The following NWD2 variants were observed in gnomAD, a reference collection of about 807,000 sequenced individuals.
The protein encoded by NWD2 is NACHT and WD repeat domain containing 2.
Under a neutral mutation model 132.7 loss-of-function variants are expected in NWD2, and 37 were observed. The observed-to-expected ratio is 0.28, with a 90% CI of 0.21 to 0.37. The LOEUF (loss-of-function observed/expected upper bound fraction) is 0.37. NWD2 is among the 10% of genes least tolerant of loss of function. The pLI is 1.00. For synonymous variants in NWD2, 705 were observed against 803.0 expected (o/e 0.88, Z 2.06); for missense variants, 1,592 against 2,122.4 (o/e 0.75, Z 4.91).
Position 37,445,523 on chromosome 4 carries a change from C to A in NWD2, c.3535C>A (p.Leu1179Met). Residue 1179 changes from leucine (L) to methionine (M), a missense_variant, in exon 7 of 7, where the codon CTG (leucine) becomes ATG (methionine). Leu to Met is a conservative substitution (Grantham distance 15). Around this residue, in one of 7 missense-constraint regions of NWD2, gnomAD observed 1,071 missense variants for 1,398.0 expected, o/e 0.77. Coordinates refer to ENST00000309447, the MANE Select transcript of NWD2 (RefSeq NM_001144990.2). This position sits in a 1 kb window ranked among gnomAD's most constrained non-coding sequence, Gnocchi z 4.7. ...WNTEDISSPQ[L>M]TDDFDCRRED... ...TACTGAGGACATTTCCAGCCCCCAG[C>A]TGACTGATGACTTTGATTGCCGAAG... 3.2e-6 allele frequency: 5 copies of A among 1,551,960 alleles called. No individual in the cohort carries two copies. Among genetic ancestry groups the A allele is most frequent in the Non-Finnish European group, 4.4e-6 (5 of 1,147,062 alleles).
intron 1 of NWD2, among the ~76,000 whole-genome samples, chr4:37,264,072 C>T (rs1468497131): frequency 6.6e-6 from 1 of 152,162 alleles, no homozygotes; most frequent in East Asian, 1.9e-4. Flanking sequence ...TCAGATTGGA[C>T]TGACCAACCC....
intron 2 of NWD2, among the ~76,000 whole-genome samples, chr4:37,338,014 A>G (rs1719444566): frequency 1.3e-5 from 2 of 152,164 alleles, no homozygotes; most frequent in African/African-American, 4.8e-5. Flanking sequence ...TCCATTTTGA[A>G]AATCTCTGTC....
chr4:37,381,589 T>C (rs895306466), intron 3 of NWD2, among the ~76,000 whole-genome samples: 41 of 152,286 alleles, frequency 2.7e-4, no homozygotes, highest in African/African-American at 9.4e-4. Flanking sequence ...TATTTTATCC[T>C]CTGAAAGCTC....
At chr4:37,286,635 A>C (rs750266816) in intron 1 of NWD2, among the ~76,000 whole-genome samples, 8 of 152,166 alleles carry the variant, frequency 5.3e-5, no homozygotes, top group Non-Finnish European at 1.2e-4. Context: ...CCAGTAGCCA[A>C]CTTGTGTGCA....
intron 3 of NWD2, among the ~76,000 whole-genome samples, chr4:37,405,743 T>A (rs1364826638): frequency 6.6e-6 from 1 of 152,216 alleles, no homozygotes; most frequent in Non-Finnish European, 1.5e-5. Flanking sequence ...GGGACGCATT[T>A]TTATAATTTC....
chr4:37,419,966 T>C (rs1297843412), intron 3 of NWD2, among the ~76,000 whole-genome samples: 2 of 152,188 alleles, frequency 1.3e-5, no homozygotes, highest in Non-Finnish European at 2.9e-5. Flanking sequence ...GTTATACTCA[T>C]TTTTATTGGC....
intron 3 of NWD2, among the ~76,000 whole-genome samples, chr4:37,411,015 A>G (rs1175310775): frequency 6.6e-6 from 1 of 152,240 alleles, no homozygotes; most frequent in Non-Finnish European, 1.5e-5. Flanking sequence ...GGAAATTTAT[A>G]GCACTAAATG....
At chr4:37,442,438 G>C (rs377197975) in intron 6 of NWD2, among the ~76,000 whole-genome samples, 1 of 152,144 alleles carries the variant, frequency 6.6e-6, no homozygotes, top group Non-Finnish European at 1.5e-5. Flanking sequence ...TGAAAAGTCA[G>C]GTATGACTTC....
chr4:37,305,386 A>G (rs887506836), intron 1 of NWD2, among the ~76,000 whole-genome samples: 1 of 152,224 alleles, frequency 6.6e-6, no homozygotes, highest in African/African-American at 2.4e-5. Context: ...GCAGCCTTGA[A>G]TTCCTCTCCA....
chr4:37,306,369 G>T (rs950595190), intron 1 of NWD2, among the ~76,000 whole-genome samples: 3 of 151,842 alleles, frequency 2.0e-5, no homozygotes, highest in East Asian at 1.9e-4. Flanking sequence ...GTGGGGTTTT[G>T]TTTTTTCTTG....
intron 2 of NWD2, among the ~76,000 whole-genome samples, chr4:37,354,275 T>C (rs944569572): frequency 6.6e-6 from 1 of 152,140 alleles, no homozygotes; most frequent in Admixed American, 6.5e-5. Context: ...ATGAGATGTC[T>C]GTTGACCCAT....
chr4:37,435,439 G>A (rs1479756), intron 5 of NWD2, among the ~76,000 whole-genome samples: 116,043 of 152,068 alleles, frequency 0.76, 44,386 homozygotes, highest in Middle Eastern at 0.84. Flanking sequence ...TACCACAATC[G>A]TCAGGAATAA....
chr4:37,245,965 G>C (rs1717236500), intron 1 of NWD2, among the ~76,000 whole-genome samples: 1 of 152,160 alleles, frequency 6.6e-6, no homozygotes, highest in African/African-American at 2.4e-5. Context: ...AACGCTGGGC[G>C]GTCAAATCCT....
At chr4:37,291,730 A>T (rs149354589) in intron 1 of NWD2, among the ~76,000 whole-genome samples, 1 of 152,250 alleles carries the variant, frequency 6.6e-6, no homozygotes, top group East Asian at 1.9e-4. Context: ...GTTTTGCTAT[A>T]TCTGTGTAAA....
At chr4:37,372,946 G>A (rs886606198) in intron 3 of NWD2, among the ~76,000 whole-genome samples, 3 of 152,244 alleles carry the variant, frequency 2.0e-5, no homozygotes, top group East Asian at 1.9e-4. Context: ...TCCCAGCTTC[G>A]TATTGAACTG....
At chr4:37,282,939 G>T (rs908968440) in intron 1 of NWD2, among the ~76,000 whole-genome samples, 11 of 152,144 alleles carry the variant, frequency 7.2e-5, no homozygotes, top group African/African-American at 2.7e-4. Context: ...GTAACTTACA[G>T]ATTATTGGGA....
At chr4:37,362,584 A>T (rs773067823) in intron 3 of NWD2, among the ~76,000 whole-genome samples, 2 of 152,194 alleles carry the variant, frequency 1.3e-5, no homozygotes, top group Non-Finnish European at 2.9e-5. Context: ...TTTTCTGTTT[A>T]ATAAATTATA....
intron 3 of NWD2, among the ~76,000 whole-genome samples, chr4:37,416,845 A>G (rs934562801): frequency 1.3e-5 from 2 of 150,152 alleles, no homozygotes; most frequent in African/African-American, 5.0e-5. Flanking sequence ...GAAGTAACTC[A>G]GAAATGGAAA....
chr4:37,411,902 G>A (rs1721167431), intron 3 of NWD2, among the ~76,000 whole-genome samples: 1 of 152,098 alleles, frequency 6.6e-6, no homozygotes, highest in Admixed American at 6.5e-5. Flanking sequence ...TATCTCAATA[G>A]ATGCAAAAAA....
Sources: allele counts gnomAD v4.1 joint callset (sites outside exome capture counted in the v4.1 genomes callset), GRCh38; gene constraint gnomAD v4.1.1; regional missense constraint gnomAD v4.1.1; non-coding constraint Gnocchi (gnomAD v3.1); transcripts MANE v1.5; gene names NCBI Gene and HGNC (gene_info 2026-07-23, HGNC 2026-07-21).